JPT1: variants seen among roughly 807,000 people sequenced by gnomAD.
JPT1 encodes the protein androgen-regulated protein 2.
In JPT1, 5 loss-of-function variants were observed where a neutral mutation model predicts 17.0. The ratio of observed to expected loss-of-function variants is 0.29; its 90% CI spans 0.15 to 0.62. The LOEUF (loss-of-function observed/expected upper bound fraction) is 0.62, where lower values mean the gene tolerates loss of function less well. Ranked by LOEUF, JPT1 falls within the 20% of genes least tolerant of loss-of-function variation. The pLI is 0.85. For missense variants in JPT1, 158 were observed against 188.1 expected, an observed-to-expected ratio of 0.84 and a Z score of 0.94; for synonymous variants, 71 against 73.6, an observed-to-expected ratio of 0.96 and a Z score of 0.18.
intron 2 of JPT1, chr17:75,147,954 GC>G (rs1568035248): frequency 8.7e-6 from 3 of 343,408 alleles, no homozygotes; most frequent in African/African-American, 2.0e-5. Context: ...TGCCAAGATG[GC>G]ACCACTGCAC....
intron 4 of JPT1, among the ~76,000 whole-genome samples, chr17:75,146,065 G>T (rs36069870): frequency 0.27 from 41,669 of 151,870 alleles, 6,525 homozygotes; most frequent in East Asian, 0.66. Flanking sequence ...GCAACAGAGA[G>T]ACACCTGGTC....
chr17:75,146,649 T>C lies in JPT1; in HGVS notation c.316+17A>G. On this transcript the variant is annotated intron_variant, in intron 4 of 4. Coordinates refer to ENST00000409753, the MANE Select transcript of JPT1 (RefSeq NM_016185.4). ...ACCATGGACAGAGCCAGAAATTTGG[T>C]CTTCAGAAGTACTTACCATGAATAT... The C allele has an allele frequency of 6.5e-7, 1 of 1,532,860 alleles. No homozygotes were observed. The highest frequency in any genetic ancestry group is 8.9e-7 in the Non-Finnish European group (1 of 1,128,438). 95.0% of individuals were successfully genotyped at this position (1,532,860 alleles called of 1,614,324 possible). A position where few individuals can be genotyped will look rare whatever the true frequency, so the allele number is the denominator to read the frequency against.
intron 3 of JPT1, among the ~76,000 whole-genome samples, chr17:75,146,958 T>C (rs1462888436): frequency 6.6e-6 from 1 of 152,218 alleles, no homozygotes; most frequent in Non-Finnish European, 1.5e-5. Flanking sequence ...ACTTCAGAGA[T>C]CTTTTATTAG....
At chr17:75,149,736 A>C (rs2074509628) in intron 1 of JPT1, among the ~76,000 whole-genome samples, 1 of 152,074 alleles carries the variant, frequency 6.6e-6, no homozygotes, top group Admixed American at 6.6e-5. Context: ...CTTGGGCACG[A>C]TCAGTAGCAG....
rs1467505692 is a variant in JPT1 at position 75,149,083 on chromosome 17, GCA to G, written c.57-414_57-413del. 3.2e-6 allele frequency: 4 copies of G among 1,267,652 alleles called. No homozygotes were observed. The African/African-American group carries it at 4.6e-5, about 15-fold the overall frequency. The allele number at this position is 1,267,652 out of a possible 1,614,324, so 78.5% of individuals were successfully genotyped here. On this transcript the variant is annotated intron_variant, in intron 1 of 4. Transcript: ENST00000409753. ...TTAAAAATCATTTCCAGGCACAGTGGCACACACCTGTAATCCCAGCACCCTAG... is the reference window on the plus strand; with the variant it reads ...TTAAAAATCATTTCCAGGCACAGTGGCACACCTGTAATCCCAGCACCCTAG...
At chr17:75,142,664 G>T (rs1263557479) in intron 4 of JPT1, 79 of 354,556 alleles carry the variant, frequency 2.2e-4, no homozygotes, top group East Asian at 1.1e-4. Flanking sequence ...AGGGAAGGGG[G>T]AGGAAGGGAA....
intron 1 of JPT1, among the ~76,000 whole-genome samples, chr17:75,149,756 G>C (rs559913434): frequency 6.6e-6 from 1 of 152,102 alleles, no homozygotes; most frequent in South Asian, 2.1e-4. Flanking sequence ...GGCCCCTATA[G>C]TCCCAGCCAT....
intron 4 of JPT1, among the ~76,000 whole-genome samples, chr17:75,142,028 C>T (rs928214303): frequency 1.3e-5 from 2 of 152,080 alleles, no homozygotes; most frequent in African/African-American, 4.8e-5. Flanking sequence ...GAGATCATAC[C>T]ACTGCACTCC....
At chr17:75,147,737 G>T in intron 2 of JPT1, 84 bp from the exon 3 acceptor site, 2 of 1,079,622 alleles carry the variant, frequency 1.9e-6, no homozygotes, top group Non-Finnish European at 2.8e-6. Context: ...GGTGGCTCAT[G>T]CCTGTAATCT....
intron 4 of JPT1, chr17:75,142,675 CGGGAAGGGATGAGAAGGGAGGGGAG>C (rs1568031342): frequency 5.3e-5 from 16 of 299,584 alleles, no homozygotes; most frequent in African/African-American, 2.8e-4. Context: ...AGGAAGGGAA[CGGGAAGGGATGAGAAGGGAGGGGAG>C]GGGAAGGGAG....
At chr17:75,153,574 G>C (rs1452065301) in intron 1 of JPT1, 1 of 152,318 alleles carries the variant, frequency 6.6e-6, no homozygotes, top group Non-Finnish European at 1.5e-5. Flanking sequence ...ACCCACTCGG[G>C]TTGGCTCGTT....
intron 4 of JPT1, among the ~76,000 whole-genome samples, chr17:75,141,848 C>T (rs1274873857): frequency 6.6e-6 from 1 of 151,914 alleles, no homozygotes; most frequent in Non-Finnish European, 1.5e-5. Context: ...GTGGGTAGAT[C>T]GCTTGAGGTC....
At chr17:75,144,519 AT>A (rs1272180875) in intron 4 of JPT1, among the ~76,000 whole-genome samples, 4 of 152,148 alleles carry the variant, frequency 2.6e-5, no homozygotes, top group African/African-American at 9.7e-5. Flanking sequence ...TTAGAAAAAA[AT>A]AAAAAAAAAT....
chr17:75,135,889 T>C lies in JPT1; in HGVS notation c.*213A>G. The C allele has an allele frequency of 2.1e-6, 2 of 970,516 alleles. No homozygotes were observed. Among genetic ancestry groups the C allele is most frequent in the Non-Finnish European group, 3.1e-6 (2 of 655,528 alleles). 60.1% of individuals were successfully genotyped at this position (970,516 alleles called of 1,614,324 possible). ...GTGTCACAAAGCTTTCCCTCCAATC[T>C]ACTACTAGAAAACACTCATGCCATG... On this transcript the variant is annotated 3_prime_UTR_variant, in exon 5 of 5. Transcript: ENST00000409753.
Position 75,136,201 on chromosome 17 carries a change from C to T in JPT1, c.366G>A (p.Lys122=), listed in dbSNP as rs757809897. The change falls in exon 5 of 5, where the codon AAG becomes AAA. Residue 122 remains lysine (K), a synonymous_variant. Coordinates refer to ENST00000409753, the MANE Select transcript of JPT1 (RefSeq NM_016185.4). ...TGGGCACAGGCGCAGCAGGCACGGG[C>T]TTCTCTTCACTCTGCCCCAGGCTGC... ...LPGSLGQSEE[K]PVPAAPVPSP... 19 of 1,612,762 alleles carry T rather than the reference C, an allele frequency of 1.2e-5. No homozygotes were observed. The highest frequency in any genetic ancestry group is 1.6e-5 in the Non-Finnish European group (19 of 1,179,138).
At chr17:75,140,544 C>A (rs1196868130) in intron 4 of JPT1, among the ~76,000 whole-genome samples, 2 of 152,196 alleles carry the variant, frequency 1.3e-5, no homozygotes, top group East Asian at 3.8e-4. Context: ...ACTCCAAAGT[C>A]ATTCCTGTAG....
At chr17:75,147,828 G>A (rs1330285178) in intron 2 of JPT1, 175 bp from the exon 3 acceptor site, 1 of 558,578 alleles carries the variant, frequency 1.8e-6, no homozygotes, top group Non-Finnish European at 3.2e-6. Flanking sequence ...GTAAAACCCT[G>A]TCTCTACTAA....
chr17:75,138,026 G>A (rs1054603754), intron 4 of JPT1, among the ~76,000 whole-genome samples: 14 of 149,326 alleles, frequency 9.4e-5, no homozygotes, highest in Admixed American at 6.7e-5. Flanking sequence ...GTGCAATTTC[G>A]GCTCACTGCA....
At chr17:75,150,019 G>A (rs2074517537) in intron 1 of JPT1, among the ~76,000 whole-genome samples, 1 of 152,150 alleles carries the variant, frequency 6.6e-6, no homozygotes. Context: ...ACCCATGAGG[G>A]CAAAGTCAGT....
Sources: allele counts gnomAD v4.1 joint callset (sites outside exome capture counted in the v4.1 genomes callset), GRCh38; gene constraint gnomAD v4.1.1; transcripts MANE v1.5; gene names NCBI Gene and HGNC (gene_info 2026-07-23, HGNC 2026-07-21).